Variants in IL7 observed in about 807,000 individuals in gnomAD.
IL7 encodes the protein interleukin-7.
Under a neutral mutation model 21.6 loss-of-function variants are expected in IL7, and 3 were observed. The ratio of observed to expected loss-of-function variants is 0.14; its 90% CI spans 0.06 to 0.36. The LOEUF is 0.36. Among genes scored for constraint, IL7 ranks in the 10% least tolerant of loss-of-function variants. The pLI, the probability that IL7 is intolerant of heterozygous loss-of-function variation, is 1.00. For synonymous variants in IL7, 62 were observed against 68.1 expected (o/e 0.91, Z 0.44); for missense variants, 175 against 200.2 (o/e 0.87, Z 0.76).
chr8:78,732,414 G>A (rs80105742), downstream of IL7, among the ~76,000 whole-genome samples: 1,325 of 152,212 alleles, frequency 8.7e-3, 16 homozygotes, highest in African/African-American at 0.031. Flanking sequence ...TGTCACCAGA[G>A]CATCTTCTGT....
chr8:78,743,167 C>G (rs773753999), intron 2 of IL7, among the ~76,000 whole-genome samples: 2 of 152,168 alleles, frequency 1.3e-5, no homozygotes, highest in Non-Finnish European at 2.9e-5. Context: ...GATTCCATGT[C>G]TTTGCCATTG....
chr8:78,726,625 C>A (rs1346406879), intron 3 of IL7, among the ~76,000 whole-genome samples: 1 of 151,930 alleles, frequency 6.6e-6, no homozygotes, highest in African/African-American at 2.4e-5. Flanking sequence ...AGGTATTGAT[C>A]AAATTAAGTA....
At chr8:78,679,539 A>G (rs1363418829) in intron 4 of IL7, 2 of 152,122 alleles carry the variant, frequency 1.3e-5, no homozygotes, top group Non-Finnish European at 2.9e-5. Context: ...GGTTGACTGA[A>G]TCCATGGATG....
Position 78,711,059 on chromosome 8 carries a change from A to G in IL7, n.214+10289T>C, listed in dbSNP as rs550021471. On this transcript the variant is annotated intron_variant and non_coding_transcript_variant, in intron 3 of 4. Coordinates refer to the IL7 transcript ENST00000523959. ...AATGGAGCACAGTGCCTGACACATA[A>G]TAGATGCTCATAATAGATGCTCAGG... is the stretch of plus-strand genomic sequence containing the variant. Among the ~76,000 whole-genome samples, 23 of 152,222 alleles carry G rather than the reference A, an allele frequency of 1.5e-4. 1 individual carries two copies. Among genetic ancestry groups the G allele is most frequent in the Non-Finnish European group, 2.9e-4 (20 of 67,948 alleles).
intron 4 of IL7, among the ~76,000 whole-genome samples, chr8:78,677,880 A>C (rs577525985): frequency 1.3e-5 from 2 of 152,192 alleles, no homozygotes; most frequent in South Asian, 4.1e-4. Context: ...AGCAGCCCTG[A>C]AGGCTGCTGG....
At chr8:78,738,263 T>C (rs979474149) in intron 4 of IL7, among the ~76,000 whole-genome samples, 2 of 152,160 alleles carry the variant, frequency 1.3e-5, no homozygotes, top group East Asian at 3.8e-4. Context: ...ATTATGGCAA[T>C]GAAGAATTTA....
Position 78,738,523 on chromosome 8 carries a change from A to G in IL7, c.341T>C (p.Leu114Pro). The change falls in exon 4 of 6, where the codon CTG becomes CCG. Residue 114 changes from leucine (L) to proline (P), a missense_variant. Physicochemically the swap from Leu to Pro is moderately conservative, Grantham distance 98. Transcript: ENST00000263851. ...LLKVSEGTTI[L>P]LNCTGQVKGR... ...GCTTACCTGGCCAGTGCAGTTCAAC[A>G]GTATTGTTGTGCCTTCTGAAACTTT... The G allele has an allele frequency of 6.2e-7, 1 of 1,613,590 alleles. No homozygotes were observed. Among genetic ancestry groups the G allele is most frequent in the South Asian group, 1.1e-5 (1 of 91,034 alleles).
chr8:78,755,434 A>G (rs1171626743), intron 2 of IL7, among the ~76,000 whole-genome samples: 3 of 152,056 alleles, frequency 2.0e-5, no homozygotes, highest in African/African-American at 7.2e-5. Context: ...TCATTTTAAC[A>G]ATATTAATTT....
intron 3 of IL7, among the ~76,000 whole-genome samples, chr8:78,723,410 C>T (rs1181885046): frequency 6.6e-6 from 1 of 151,976 alleles, no homozygotes; most frequent in East Asian, 1.9e-4. Context: ...AAAATTACCT[C>T]CGTTTGTACT....
intron 3 of IL7, among the ~76,000 whole-genome samples, chr8:78,710,151 CTTGA>C (rs1325380818): frequency 6.6e-6 from 1 of 152,056 alleles, no homozygotes; most frequent in Non-Finnish European, 1.5e-5. Flanking sequence ...TGTATAAAAT[CTTGA>C]TTGTTATTGA....
intron 2 of IL7, among the ~76,000 whole-genome samples, chr8:78,740,866 AT>A (rs72023068): frequency 0.017 from 2,546 of 149,530 alleles, 29 homozygotes; most frequent in South Asian, 0.036. Flanking sequence ...TATGTGCGCT[AT>A]TTTTTTTTTC....
downstream of IL7, among the ~76,000 whole-genome samples, chr8:78,714,384 T>C (rs1435871977): frequency 2.0e-5 from 3 of 152,168 alleles, no homozygotes; most frequent in African/African-American, 4.8e-5. Flanking sequence ...TGTTAACTTA[T>C]AGTGGCAACA....
chr8:78,752,038 C>A (rs1459969368), intron 2 of IL7, among the ~76,000 whole-genome samples: 1 of 152,166 alleles, frequency 6.6e-6, no homozygotes, highest in African/African-American at 2.4e-5. Context: ...CTTTCTGTGA[C>A]TGACCGATTT....
chr8:78,691,208 A>G (rs530701514), intron 3 of IL7, among the ~76,000 whole-genome samples: 1 of 152,282 alleles, frequency 6.6e-6, no homozygotes, highest in African/African-American at 2.4e-5. Flanking sequence ...TCAATTACTG[A>G]GGGAAATATG....
chr8:78,728,639 T>C (rs1344742039), downstream of IL7, among the ~76,000 whole-genome samples: 1 of 152,018 alleles, frequency 6.6e-6, no homozygotes, highest in Non-Finnish European at 1.5e-5. Flanking sequence ...ATGTAAAACA[T>C]AAAACTATAC....
chr8:78,758,957 AT>A (rs1323820980), intron 2 of IL7, among the ~76,000 whole-genome samples: 1 of 151,158 alleles, frequency 6.6e-6, no homozygotes. Context: ...TGGCATTTCC[AT>A]TTTCTTATTC....
intron 2 of IL7, chr8:78,747,183 C>T (rs1812007333): frequency 1.2e-5 from 4 of 333,922 alleles, no homozygotes; most frequent in East Asian, 8.9e-5. Context: ...AAATATACTT[C>T]ATTGCTTTTT....
chr8:78,792,270 C>T (rs1457026653), intron 2 of IL7, among the ~76,000 whole-genome samples: 5 of 152,074 alleles, frequency 3.3e-5, no homozygotes, highest in Non-Finnish European at 5.9e-5. Flanking sequence ...CCTCACACCA[C>T]GTACATAAAT....
intron 2 of IL7, among the ~76,000 whole-genome samples, chr8:78,786,049 G>A (rs987996989): frequency 5.9e-5 from 9 of 152,274 alleles, no homozygotes; most frequent in South Asian, 2.1e-4. Flanking sequence ...ATGAGAAGAA[G>A]GTATAGAGAT....
Sources: gnomAD v4.1 joint callset for allele counts (sites outside exome capture counted in the v4.1 genomes callset) on GRCh38, gnomAD v4.1.1 for gene constraint, MANE v1.5 for transcripts, NCBI Gene and HGNC (gene_info 2026-07-23, HGNC 2026-07-21) for gene names.